Variants in FHIT observed in about 807,000 individuals in gnomAD.
The protein encoded by FHIT is bis(5'-adenosyl)-triphosphatase.
A neutral mutation model predicts 17.9 loss-of-function variants in FHIT; 19 were observed. The observed-to-expected ratio is 1.06, with a 90% CI of 0.74 to 1.56. The LOEUF (loss-of-function observed/expected upper bound fraction) is 1.56, where lower values mean the gene tolerates loss of function less well. Ranked by LOEUF, FHIT falls within the 40% of genes most tolerant of loss-of-function variation. FHIT has a pLI of 0.00. For missense variants in FHIT, 248 were observed against 189.2 expected, an observed-to-expected ratio of 1.31 and a Z score of -1.82; for synonymous variants, 81 against 69.7, an observed-to-expected ratio of 1.16 and a Z score of -0.81.
At chr3:59,869,643 A>G (rs526773) in intron 8 of FHIT, among the ~76,000 whole-genome samples, 81,302 of 149,556 alleles carry the variant, frequency 0.54, 23,378 homozygotes, top group African/African-American at 0.74. Flanking sequence ...CACCACGCCC[A>G]GCTAATTTTT....
At chr3:60,837,801 G>A (rs1460067050) in intron 3 of FHIT, among the ~76,000 whole-genome samples, 1 of 151,836 alleles carries the variant, frequency 6.6e-6, no homozygotes, top group African/African-American at 2.4e-5. Flanking sequence ...GTTTCTCTAG[G>A]TATTACTTTA....
intron 5 of FHIT, among the ~76,000 whole-genome samples, chr3:60,279,837 C>G (rs569874951): frequency 6.7e-4 from 102 of 152,062 alleles, no homozygotes; most frequent in Middle Eastern, 3.4e-3. Context: ...CAAGACCATC[C>G]TGACTAACAC....
chr3:60,061,549 CAGTG>C (rs1439009806), intron 5 of FHIT, among the ~76,000 whole-genome samples: 3 of 152,070 alleles, frequency 2.0e-5, no homozygotes, highest in African/African-American at 7.2e-5. Flanking sequence ...CCTGTTTTGT[CAGTG>C]AGTAATTATA....
intron 8 of FHIT, among the ~76,000 whole-genome samples, chr3:59,845,337 G>C (rs1309633479): frequency 6.6e-6 from 1 of 151,434 alleles, no homozygotes; most frequent in Non-Finnish European, 1.5e-5. Flanking sequence ...TTAGCTTTGG[G>C]GTTAGTGCGT....
chr3:60,900,217 G>A (rs1706045514), intron 3 of FHIT, among the ~76,000 whole-genome samples: 1 of 152,070 alleles, frequency 6.6e-6, no homozygotes, highest in South Asian at 2.1e-4. Context: ...GGGATTCAGG[G>A]CCACAGTTAG....
chr3:60,744,268 C>CAAAAAAAAAAAAAAAAAAAAA (rs374691493), intron 4 of FHIT, among the ~76,000 whole-genome samples: 1 of 80,084 alleles, frequency 1.2e-5, no homozygotes, highest in African/African-American at 4.7e-5. Context: ...CAAAACAAAA[C>CAAAAAAAAAAAAAAAAAAAAA]AAAAAAAAAA....
At chr3:61,110,409 G>A (rs7642143) in intron 2 of FHIT, among the ~76,000 whole-genome samples, 7,803 of 152,136 alleles carry the variant, frequency 0.051, 377 homozygotes, top group African/African-American at 0.13. Flanking sequence ...CTTGATCTAA[G>A]GCAGCACACA....
intron 1 of FHIT, among the ~76,000 whole-genome samples, chr3:61,207,047 A>G (rs1025858462): frequency 6.6e-6 from 1 of 152,156 alleles, no homozygotes; most frequent in Non-Finnish European, 1.5e-5. Flanking sequence ...GAATTTTGTC[A>G]AAGGCCTTTT....
At chr3:59,890,498 A>G (rs1703808672) in intron 8 of FHIT, among the ~76,000 whole-genome samples, 1 of 152,138 alleles carries the variant, frequency 6.6e-6, no homozygotes, top group African/African-American at 2.4e-5. Context: ...GCCTCGGTTC[A>G]TTTCCTGTTG....
At chr3:59,971,726 G>C (rs147049696) in intron 7 of FHIT, among the ~76,000 whole-genome samples, 1 of 152,206 alleles carries the variant, frequency 6.6e-6, no homozygotes, top group East Asian at 1.9e-4. Flanking sequence ...CCATGTCCAG[G>C]TTGCCCCATT....
intron 4 of FHIT, among the ~76,000 whole-genome samples, chr3:60,808,030 T>G (rs1701457493): frequency 6.6e-6 from 1 of 152,154 alleles, no homozygotes; most frequent in Admixed American, 6.5e-5. Flanking sequence ...TTTTTAAAAC[T>G]ATATATTCAG....
chr3:60,182,294 C>T (rs1299690404), intron 5 of FHIT, among the ~76,000 whole-genome samples: 1 of 152,150 alleles, frequency 6.6e-6, no homozygotes, highest in East Asian at 1.9e-4. Flanking sequence ...TACAGGCCTC[C>T]TACCTCAACA....
chr3:60,465,026 C>A (rs1017287797), intron 5 of FHIT, among the ~76,000 whole-genome samples: 1 of 152,078 alleles, frequency 6.6e-6, no homozygotes, highest in African/African-American at 2.4e-5. Flanking sequence ...CTTGTTATTG[C>A]CTGTCTTTTG....
At chr3:60,966,714 C>G (rs1575768587) in intron 3 of FHIT, among the ~76,000 whole-genome samples, 1 of 152,182 alleles carries the variant, frequency 6.6e-6, no homozygotes, top group African/African-American at 2.4e-5. Flanking sequence ...ATAATGGCTG[C>G]AAGGGTATCA....
chr3:61,048,682 T>C (rs1575913347), intron 2 of FHIT, among the ~76,000 whole-genome samples: 1 of 152,288 alleles, frequency 6.6e-6, no homozygotes. Flanking sequence ...TGCATACGTA[T>C]GTTTATTGCG....
chr3:59,979,791 C>T (rs986882139), intron 7 of FHIT, among the ~76,000 whole-genome samples: 5 of 151,958 alleles, frequency 3.3e-5, no homozygotes, highest in African/African-American at 9.7e-5. Flanking sequence ...TACATGTTTT[C>T]GAAAAGAAAG....
chr3:60,238,239 C>T (rs1307915028), intron 5 of FHIT, among the ~76,000 whole-genome samples: 2 of 150,908 alleles, frequency 1.3e-5, no homozygotes, highest in Non-Finnish European at 2.9e-5. Flanking sequence ...AGGTTTTTTC[C>T]AGAACTAAAC....
intron 5 of FHIT, among the ~76,000 whole-genome samples, chr3:60,373,001 G>A (rs928464993): frequency 2.0e-5 from 3 of 152,144 alleles, no homozygotes; most frequent in African/African-American, 7.2e-5. Flanking sequence ...AAATAAAAAT[G>A]TCAAAATAAT....
chr3:60,243,784 C>G (rs1335453619), intron 5 of FHIT, among the ~76,000 whole-genome samples: 5 of 152,012 alleles, frequency 3.3e-5, no homozygotes, highest in Admixed American at 2.0e-4. Flanking sequence ...CCACCCAGTT[C>G]TAAAATAAAC....
Sources: gnomAD v4.1 joint callset for allele counts (sites outside exome capture counted in the v4.1 genomes callset) on GRCh38, gnomAD v4.1.1 for gene constraint, MANE v1.5 for transcripts, NCBI Gene and HGNC (gene_info 2026-07-23, HGNC 2026-07-21) for gene names.